The following ZMYM3 variants were observed in gnomAD, a reference collection of about 807,000 sequenced individuals.
The protein encoded by ZMYM3 is zinc finger MYM-type containing 3.
In ZMYM3, 6 loss-of-function variants were observed where a neutral mutation model predicts 94.2. The observed-to-expected ratio is 0.06, with a 90% confidence interval of 0.03 to 0.13. The LOEUF (loss-of-function observed/expected upper bound fraction) is 0.13, where lower values mean the gene tolerates loss of function less well. ZMYM3 is among the 10% of genes least tolerant of loss of function. ZMYM3 has a pLI of 1.00. For synonymous variants in ZMYM3, 420 were observed against 426.5 expected, an observed-to-expected ratio of 0.98 and a Z score of 0.19; for missense variants, 664 against 1,132.6, an observed-to-expected ratio of 0.59 and a Z score of 5.94.
At chrX:71,244,668 A>T in intron 19 of ZMYM3, 122 bp downstream of exon 19, 2 of 786,034 alleles carry the variant, frequency 2.5e-6, no homozygotes, top group Non-Finnish European at 1.8e-6. Flanking sequence ...TTATCTCAGT[A>T]CTTCTAGTGT....
At chrX:71,251,064 C>T (rs1006260529) in intron 4 of ZMYM3, 114 bp downstream of exon 4, 38 of 792,862 alleles carry the variant, frequency 4.8e-5, no homozygotes, top group Non-Finnish European at 6.7e-5. Context: ...GCACTTCATG[C>T]GCTTCATGGA....
intron 14 of ZMYM3, 41 bp downstream of exon 14, chrX:71,246,554 C>T: frequency 8.3e-7 from 1 of 1,205,238 alleles, no homozygotes; most frequent in Non-Finnish European, 1.1e-6. Context: ...ACCGCCGTAC[C>T]CTCCTCTGAG....
chrX:71,245,639 C>A (rs1218319712), intron 17 of ZMYM3, 29 bp downstream of exon 17: 3 of 1,201,529 alleles, frequency 2.5e-6, no homozygotes, highest in Middle Eastern at 4.7e-4. Flanking sequence ...AGCACCCTGT[C>A]TCCCTCGTCG....
intron 1 of ZMYM3, 48 bp from the exon 2 acceptor site, chrX:71,253,322 G>A: frequency 1.0e-6 from 1 of 999,803 alleles, no homozygotes; most frequent in South Asian, 2.6e-5. Context: ...GTCTTAGCCT[G>A]AATTCCTTCT....
chrX:71,242,092 G>A (rs1435822638), intron 23 of ZMYM3, 78 bp downstream of exon 23: 1 of 1,126,470 alleles, frequency 8.9e-7, no homozygotes, highest in African/African-American at 1.8e-5. Flanking sequence ...GACCTGGCAG[G>A]TATGGTGGGT....
At position 71,240,807 on chromosome X, in the gene ZMYM3, G is replaced by A; in HGVS notation, c.*109C>T. 1 of 871,856 alleles carries A rather than the reference G, an allele frequency of 1.1e-6. No homozygotes were observed. The highest frequency in any genetic ancestry group is 2.4e-5 in the South Asian group (1 of 41,310). 71.9% of individuals were successfully genotyped at this position (871,856 alleles called of 1,213,427 possible). A position where few individuals can be genotyped will look rare whatever the true frequency, so the allele number is the denominator to read the frequency against. On this transcript the variant is annotated 3_prime_UTR_variant, in exon 25 of 25. Transcript: ENST00000314425. ...GGGAATGGGTGAGCGGAAAGGAGCAGTCAGGGCCCTTCAGAATGAGTAGCA... is the reference window on the plus strand; with the variant it reads ...GGGAATGGGTGAGCGGAAAGGAGCAATCAGGGCCCTTCAGAATGAGTAGCA...
At position 71,253,145 on chromosome X, in the gene ZMYM3, G is replaced by T; in HGVS notation, c.111C>A (p.Ser37=). The change falls in exon 2 of 25, where the codon TCC becomes TCA. Residue 37 remains serine, a synonymous_variant. Coordinates refer to ENST00000314425, the MANE Select transcript of ZMYM3 (RefSeq NM_201599.3). ...CCCATCCTCGAGTTGGGGCAGTCTGGGATTCCAGTAGATCCTCTCCAAATT... is the reference window on the plus strand; with the variant it reads ...CCCATCCTCGAGTTGGGGCAGTCTGTGATTCCAGTAGATCCTCTCCAAATT... ...DMEFGEDLLE[S]QTAPTRGWAP... 8.3e-7 allele frequency: 1 copy of T among 1,205,877 alleles called. No individual in the cohort carries two copies. The highest frequency in any genetic ancestry group is 1.7e-5 in the African/African-American group (1 of 57,681).
Position 71,250,207 on chromosome X carries a change from G to T in ZMYM3, c.1074-4C>A. 1 of 1,167,396 alleles carries T rather than the reference G, an allele frequency of 8.6e-7. No homozygotes were observed. The highest frequency in any genetic ancestry group is 1.1e-6 in the Non-Finnish European group (1 of 874,280). ...GTCCTTGGTGTTCCAGATCTCCCTA[G>T]AGGTGGGAACAGGTTTGAATATTCA... On this transcript the variant is annotated splice_polypyrimidine_tract_variant and splice_region_variant and intron_variant, in intron 5 of 24. Coordinates refer to ENST00000314425, the MANE Select transcript of ZMYM3 (RefSeq NM_201599.3).
At chrX:71,243,794 G>A in intron 21 of ZMYM3, 35 bp downstream of exon 21, 1 of 1,206,746 alleles carries the variant, frequency 8.3e-7, no homozygotes, top group Non-Finnish European at 1.1e-6. Context: ...GCTGTGTTAA[G>A]AGTGACAGGA....
chrX:71,250,363 A>C, intron 5 of ZMYM3, 69 bp downstream of exon 5: 4 of 1,120,245 alleles, frequency 3.6e-6, no homozygotes, highest in Non-Finnish European at 4.7e-6. Context: ...TCTTACCAAC[A>C]GTCTCTGTCT....
At position 71,252,663 on chromosome X, in the gene ZMYM3, G is replaced by T; in HGVS notation, c.593C>A (p.Thr198Asn). 8.5e-7 allele frequency: 1 copy of T among 1,174,654 alleles called. No homozygotes were observed. The highest frequency in any genetic ancestry group is 1.1e-6 in the Non-Finnish European group (1 of 879,153). ...NAPPSPSVGE[T>N]LGDGINSSQT... Reference sequence around the variant, plus strand: ...AGAACTGTTGATTCCATCCCCCAGAGTCTCTCCCACTGAAGGGCTAGGCGG... The same window carrying T: ...AGAACTGTTGATTCCATCCCCCAGATTCTCTCCCACTGAAGGGCTAGGCGG... Residue 198 changes from threonine (T) to asparagine (N), a missense_variant, in exon 2 of 25, where the codon ACT (threonine) becomes AAT (asparagine). By Grantham distance (65) the Thr-to-Asn change is moderately conservative. Transcript: ENST00000314425.
At chrX:71,244,562 A>G in intron 19 of ZMYM3, 92 bp from the exon 20 acceptor site, 1 of 1,048,846 alleles carries the variant, frequency 9.5e-7, no homozygotes, top group Non-Finnish European at 1.3e-6. Context: ...TGGCCGGGGC[A>G]GGGGCTGATG....
rs1472290123 is a variant in ZMYM3 at position 71,244,340 on chromosome X, T to C, written c.3242A>G (p.Asn1081Ser). 7.6e-6 allele frequency: 9 copies of C among 1,189,704 alleles called. No individual in the cohort carries two copies. Among genetic ancestry groups the C allele is most frequent in the East Asian group, 3.1e-5 (1 of 32,304 alleles). The part of the protein sequence containing the change: ...WKCWVQSKYA[N>S]GETSKGDELR... ...CTCATCACCCTTGCTGGTTTCTCCA[T>C]TGGCATATTTTGACTGCACCCAGCA... The change falls in exon 20 of 25, where the codon AAT (asparagine) becomes AGT (serine). Residue 1081 changes from asparagine to serine, a missense_variant. This residue lies in a region of ZMYM3 where 75 missense variants were observed against 152.5 expected (regional missense o/e 0.49). Transcript: ENST00000314425.
At chrX:71,244,251 C>T (rs1022031039) in intron 20 of ZMYM3, 51 bp downstream of exon 20, 19 of 1,176,232 alleles carry the variant, frequency 1.6e-5, no homozygotes, top group Non-Finnish European at 2.2e-5. Context: ...CCCCTTTCCC[C>T]TCCTCCTCCC....
rs182833268 is a variant in ZMYM3, at chrX:71,244,079, G to A, written c.3281-99C>T. 6.5e-5 allele frequency: 69 copies of A among 1,060,184 alleles called. No individual in the cohort carries two copies. The East Asian group carries it at 1.9e-3, about 28-fold the overall frequency. The allele number at this position is 1,060,184 out of a possible 1,213,427, so 87.4% of individuals were successfully genotyped here. A position where few individuals can be genotyped will look rare whatever the true frequency, so the allele number is the denominator to read the frequency against. On this transcript the variant is annotated intron_variant, in intron 20 of 24. Coordinates refer to ENST00000314425, the MANE Select transcript of ZMYM3 (RefSeq NM_201599.3). ...ATTAACCCCTCCATCCCTTAGTCAT[G>A]CCTAGCTCCTGAACAATTACAGAAA...
At chrX:71,247,681 C>T (rs1453587212) in intron 12 of ZMYM3, 53 bp downstream of exon 12, 10 of 1,178,281 alleles carry the variant, frequency 8.5e-6, no homozygotes, top group South Asian at 1.9e-5. Context: ...TACCACAGCC[C>T]GTGCTCCCCA....
At position 71,252,668 on chromosome X, in the gene ZMYM3, T is replaced by A. The variant is rs1602369237; in HGVS notation, c.588A>T (p.Gly196=). Residue 196 remains glycine, a synonymous_variant, in exon 2 of 25, where the codon GGA becomes GGT. Transcript: ENST00000314425. ...SPNAPPSPSV[G]ETLGDGINSS... is the part of the protein sequence containing the mutation. ...TGTTGATTCCATCCCCCAGAGTCTC[T>A]CCCACTGAAGGGCTAGGCGGGGCAT... 3.4e-6 allele frequency: 4 copies of A among 1,177,743 alleles called. No individual in the cohort carries two copies. Among genetic ancestry groups the A allele is most frequent in the East Asian group, 3.0e-5 (1 of 33,554 alleles).
In ZMYM3 at chrX:71,249,452, C is replaced by T. The variant is rs769330464; in HGVS notation, c.1470+9G>A. ...ACAGCCCTCTAATGCACTACTCCCT[C>T]GGCCCCACCTTCTTGTACGCCCCCA... On this transcript the variant is annotated intron_variant, in intron 7 of 24. Transcript: ENST00000314425. 19 of 1,177,827 alleles carry T rather than the reference C, an allele frequency of 1.6e-5. No individual in the cohort carries two copies. The highest frequency in any genetic ancestry group is 1.2e-4 in the Admixed American group (5 of 40,958).
intron 3 of ZMYM3, 94 bp downstream of exon 3, chrX:71,251,464 T>C (rs2147993733): frequency 2.8e-6 from 3 of 1,079,013 alleles, no homozygotes; most frequent in South Asian, 2.2e-5. Context: ...TTACACACAC[T>C]CTCTACAGAA....
Sources: gnomAD v4.1 joint callset for allele counts on GRCh38, gnomAD v4.1.1 for gene constraint, gnomAD v4.1.1 regional missense constraint, MANE v1.5 for transcripts, NCBI Gene and HGNC (gene_info 2026-07-23, HGNC 2026-07-21) for gene names.